SLC39A10: variants seen among roughly 807,000 people sequenced by gnomAD.
The protein encoded by SLC39A10 is solute carrier family 39 member 10.
A neutral mutation model predicts 65.1 loss-of-function variants in SLC39A10; 13 were observed. The observed-to-expected ratio is 0.20, with a 90% CI of 0.13 to 0.32. The LOEUF (loss-of-function observed/expected upper bound fraction) is 0.32. SLC39A10 is among the 10% of genes least tolerant of loss of function. The pLI is 1.00. For missense variants in SLC39A10, 831 were observed against 1,018.4 expected (o/e 0.82, Z 2.50); for synonymous variants, 321 against 342.2 (o/e 0.94, Z 0.68).
chr2:195,716,758 C>A lies in SLC39A10; in HGVS notation c.1818C>A (p.Asp606Glu), dbSNP rs368081252. The A allele has an allele frequency of 1.2e-6, 2 of 1,614,038 alleles. No individual in the cohort carries two copies. The highest frequency in any genetic ancestry group is 2.7e-5 in the African/African-American group (2 of 74,912). Reference sequence around the variant, plus strand: ...GTATAGAAGAGGAGAAAATCATAGACCATTCTCACAGTGATGGATTACATA... The same window carrying A: ...GTATAGAAGAGGAGAAAATCATAGAACATTCTCACAGTGATGGATTACATA... The part of the protein sequence containing the change: ...YLCIEEEKII[D>E]HSHSDGLHTI... The change falls in exon 7 of 10, where the codon GAC (aspartate) becomes GAA (glutamate). Residue 606 changes from aspartate to glutamate, a missense_variant. Coordinates refer to ENST00000359634, the MANE Select transcript of SLC39A10 (RefSeq NM_020342.3).
In SLC39A10 at chr2:195,728,547, A is replaced by C. The variant is rs1313494750; in HGVS notation, c.2337+198A>C. 6.6e-6 allele frequency among the ~76,000 whole-genome samples: 1 copy of C among 152,040 alleles called. No homozygotes were observed. Among genetic ancestry groups the C allele is most frequent in the Non-Finnish European group, 1.5e-5 (1 of 67,932 alleles). On this transcript the variant is annotated intron_variant, in intron 9 of 9. Transcript: ENST00000359634. The surrounding 1 kb of genome is among the most constrained non-coding windows in gnomAD (Gnocchi z 4.4). ...GTTGAGTTGCTGAAAATGTCTGTCC[A>C]TCATGTTACTATTTAAATAATCATT...
chr2:195,672,722 TTGA>T (rs1477917279), intron 1 of SLC39A10, among the ~76,000 whole-genome samples: 2 of 152,212 alleles, frequency 1.3e-5, no homozygotes, highest in Non-Finnish European at 2.9e-5. Context: ...AGTCATTCAT[TTGA>T]TGATGTCTGA....
Position 195,677,499 on chromosome 2 carries a change from A to T in SLC39A10, c.-11-2533A>T, listed in dbSNP as rs553079395. 2.6e-4 allele frequency among the ~76,000 whole-genome samples: 39 copies of T among 152,160 alleles called. No homozygotes were observed. In the South Asian group the frequency reaches 8.1e-3, roughly 32 times the overall value. On this transcript the variant is annotated intron_variant, in intron 1 of 9. Transcript: ENST00000359634. Reference sequence around the variant, plus strand: ...CAGTGAGCTATGATTGCGCCACTGTACTCTAGCCTGGGTGTCACAGTGACA... The same window carrying T: ...CAGTGAGCTATGATTGCGCCACTGTTCTCTAGCCTGGGTGTCACAGTGACA...
intron 8 of SLC39A10, among the ~76,000 whole-genome samples, chr2:195,723,161 A>G (rs532899279): frequency 6.6e-6 from 1 of 152,308 alleles, no homozygotes; most frequent in South Asian, 2.1e-4. Flanking sequence ...AAGAAATTGA[A>G]AGCATTTGAG....
chr2:195,692,875 AGTG>A (rs1410258053), intron 3 of SLC39A10, among the ~76,000 whole-genome samples: 1 of 152,140 alleles, frequency 6.6e-6, no homozygotes, highest in Non-Finnish European at 1.5e-5. Context: ...GATGAATAGA[AGTG>A]GTGAAAGTGG....
chr2:195,614,740 G>T (rs1688170974), intron 2 of SLC39A10, among the ~76,000 whole-genome samples: 1 of 150,686 alleles, frequency 6.6e-6, no homozygotes, highest in Non-Finnish European at 1.5e-5. Flanking sequence ...TCAATTATTT[G>T]TGTTATTGCC....
intron 1 of SLC39A10, among the ~76,000 whole-genome samples, chr2:195,678,201 T>A (rs1690167982): frequency 6.6e-6 from 1 of 152,184 alleles, no homozygotes. Flanking sequence ...TGCCAAACAG[T>A]TTTTCAGAAG....
At chr2:195,694,417 G>A (rs560214034) in intron 3 of SLC39A10, among the ~76,000 whole-genome samples, 69 of 152,202 alleles carry the variant, frequency 4.5e-4, no homozygotes, top group Middle Eastern at 3.4e-3. Flanking sequence ...AAAACTCAAG[G>A]TCTGCTGTTT....
intron 3 of SLC39A10, among the ~76,000 whole-genome samples, chr2:195,686,086 G>A (rs1241746899): frequency 1.3e-5 from 2 of 152,204 alleles, no homozygotes; most frequent in East Asian, 1.9e-4. Flanking sequence ...AGTGGCTTTA[G>A]AGGATAGTAA....
At chr2:195,696,067 T>A (rs1280420820) in intron 3 of SLC39A10, among the ~76,000 whole-genome samples, 1 of 152,190 alleles carries the variant, frequency 6.6e-6, no homozygotes, top group East Asian at 1.9e-4. Context: ...TAAATGATCT[T>A]GCACCCTTGT....
chr2:195,701,885 T>C (rs1159038432), intron 3 of SLC39A10, among the ~76,000 whole-genome samples: 1 of 152,142 alleles, frequency 6.6e-6, no homozygotes, highest in Non-Finnish European at 1.5e-5. Flanking sequence ...TTTTGTCATG[T>C]TGCCCAGGCT....
At chr2:195,618,769 A>G (rs1485007286) in intron 2 of SLC39A10, among the ~76,000 whole-genome samples, 1 of 152,144 alleles carries the variant, frequency 6.6e-6, no homozygotes, top group Non-Finnish European at 1.5e-5. Context: ...TTTTTAAGGT[A>G]AAAAATGGCA....
intron 1 of SLC39A10, chr2:195,674,509 T>C (rs1690002938): frequency 1.2e-6 from 1 of 817,328 alleles, no homozygotes; most frequent in South Asian, 5.6e-5. Flanking sequence ...ACTCCTGACC[T>C]CAGGTGATCC....
At chr2:195,657,515 G>T in intron 1 of SLC39A10, 1 of 985,468 alleles carries the variant, frequency 1.0e-6, no homozygotes, top group Non-Finnish European at 1.2e-6. Context: ...GCGGCTCCTC[G>T]TGTGCGGTCT....
upstream of SLC39A10, among the ~76,000 whole-genome samples, chr2:195,651,865 C>T (rs1474934303): frequency 2.0e-5 from 3 of 152,160 alleles, no homozygotes; most frequent in Non-Finnish European, 4.4e-5. Flanking sequence ...CTTCCTTGTA[C>T]TCCTAATGAC....
At chr2:195,649,680 T>C (rs1688992743) in intron 2 of SLC39A10, among the ~76,000 whole-genome samples, 1 of 152,260 alleles carries the variant, frequency 6.6e-6, no homozygotes, top group Middle Eastern at 3.2e-3. Flanking sequence ...ACAAATACTT[T>C]TGAAGTTTGC....
intron 2 of SLC39A10, among the ~76,000 whole-genome samples, chr2:195,641,082 A>G (rs959577082): frequency 5.3e-5 from 8 of 152,210 alleles, no homozygotes; most frequent in Non-Finnish European, 1.5e-5. Context: ...ATCGGTGAGT[A>G]TAGGAGACAT....
At chr2:195,731,944 G>A (rs1208968351) in intron 9 of SLC39A10, among the ~76,000 whole-genome samples, 3 of 152,164 alleles carry the variant, frequency 2.0e-5, no homozygotes, top group African/African-American at 7.2e-5. Flanking sequence ...ACCTCACTAC[G>A]TGGTTCTTTG....
rs527391319 is a variant in SLC39A10, at chr2:195,657,631, G to A, written c.-12+350G>A. 604 of 985,284 alleles carry A rather than the reference G, an allele frequency of 6.1e-4. 2 individuals carry two copies. The Middle Eastern group carries it at 0.012, about 20-fold the overall frequency. The allele number at this position is 985,284 out of a possible 1,614,324, so 61.0% of individuals were successfully genotyped here. The stretch of plus-strand genomic sequence containing the variant: ...GGAGGTTGGCGGAGCCTCGCGGGCC[G>A]CGCCCGGGGTGGGGGAGTGACCGCT... On this transcript the variant is annotated intron_variant, in intron 1 of 9. Coordinates refer to ENST00000359634, the MANE Select transcript of SLC39A10 (RefSeq NM_020342.3).
Sources: gnomAD v4.1 joint callset for allele counts (sites outside exome capture counted in the v4.1 genomes callset) on GRCh38, gnomAD v4.1.1 for gene constraint, Gnocchi (gnomAD v3.1) non-coding constraint, MANE v1.5 for transcripts, NCBI Gene and HGNC (gene_info 2026-07-23, HGNC 2026-07-21) for gene names.